Variants in PASD1 observed in about 807,000 individuals in gnomAD.
The protein encoded by PASD1 is PAS domain containing repressor 1.
Under a neutral mutation model 58.8 loss-of-function variants are expected in PASD1, and 13 were observed. That is an observed-to-expected ratio of 0.22 (90% CI 0.14 to 0.35). The LOEUF is 0.35. Among genes scored for constraint, PASD1 ranks in the 10% least tolerant of loss-of-function variants. The pLI, the probability that PASD1 is intolerant of heterozygous loss-of-function variation, is 1.00. For missense variants in PASD1, 734 were observed against 568.3 expected, an observed-to-expected ratio of 1.29 and a Z score of -2.96; for synonymous variants, 236 against 216.7, an observed-to-expected ratio of 1.09 and a Z score of -0.78.
chrX:151,566,036 A>C (rs1170953719), intron 1 of PASD1, among the ~76,000 whole-genome samples: 1 of 112,038 alleles, frequency 8.9e-6, no homozygotes, highest in East Asian at 2.8e-4. Context: ...GTTGGTAGTA[A>C]AACGAAAATT....
At chrX:151,630,554 AAGG>A (rs1230348108) in intron 8 of PASD1, among the ~76,000 whole-genome samples, 2 of 112,494 alleles carry the variant, frequency 1.8e-5, no homozygotes, top group African/African-American at 6.5e-5. Context: ...TTCAATTAAA[AAGG>A]AGAAGAGATT....
chrX:151,652,657 G>A (rs1035662440), intron 9 of PASD1, among the ~76,000 whole-genome samples: 10 of 111,535 alleles, frequency 9.0e-5, no homozygotes, highest in African/African-American at 3.3e-4. Context: ...GCAAGAGGTC[G>A]GGGAGTACAG....
intron 1 of PASD1, among the ~76,000 whole-genome samples, chrX:151,596,676 A>G (rs2013325804): frequency 8.9e-6 from 1 of 112,419 alleles, no homozygotes; most frequent in South Asian, 3.7e-4. Context: ...ACCTTGCTGG[A>G]CTATTTTATT....
intron 11 of PASD1, among the ~76,000 whole-genome samples, chrX:151,669,904 T>C (rs2124317698): frequency 8.9e-6 from 1 of 112,056 alleles, no homozygotes; most frequent in South Asian, 3.8e-4. Context: ...TTCTGGTGTA[T>C]ACTCAGCAGT....
intron 1 of PASD1, among the ~76,000 whole-genome samples, chrX:151,565,964 C>T (rs1165504290): frequency 1.8e-5 from 2 of 112,259 alleles, no homozygotes; most frequent in East Asian, 2.8e-4. Context: ...AATCCTCCTA[C>T]TCTTAACTGA....
At chrX:151,641,587 G>T (rs12859750) in intron 8 of PASD1, among the ~76,000 whole-genome samples, 26,842 of 110,452 alleles carry the variant, frequency 0.24, 2,636 homozygotes, top group Non-Finnish European at 0.31. Flanking sequence ...TCTGTGTCTC[G>T]TACAGGAAAA....
At position 151,668,750 on chromosome X, in the gene PASD1, T is replaced by C. The variant is rs1398188179; in HGVS notation, c.1072-2288T>C. 2.7e-5 allele frequency among the ~76,000 whole-genome samples: 3 copies of C among 109,405 alleles called. No homozygotes were observed. The East Asian group carries it at 8.6e-4, about 31-fold the overall frequency. On this transcript the variant is annotated intron_variant, in intron 11 of 15. Transcript: ENST00000370357. Reference sequence around the variant, plus strand: ...CAACCAAAAAAAGTCCAGGACCAGATGGATTCACAGCTGAATTCTACCAGA... The same window carrying C: ...CAACCAAAAAAAGTCCAGGACCAGACGGATTCACAGCTGAATTCTACCAGA...
intron 14 of PASD1, chrX:151,673,539 C>A: frequency 4.9e-6 from 1 of 204,349 alleles, no homozygotes; most frequent in Non-Finnish European, 8.9e-6. Context: ...GACTTCCAGG[C>A]TTAGGGTTGT....
intron 1 of PASD1, among the ~76,000 whole-genome samples, chrX:151,581,722 T>C (rs1224976439): frequency 9.0e-6 from 1 of 111,091 alleles, no homozygotes; most frequent in East Asian, 2.8e-4. Context: ...GAACCCATAT[T>C]AGAACTTGGG....
chrX:151,676,175 TGGG>T lies in PASD1; in HGVS notation c.*36_*38del, dbSNP rs759154544. ...TTTCATGACCAGTGATGAGGGGAAA[TGGG>T]GGGAGGGGGCAGGCCAATGAGGTCT... On this transcript the variant is annotated 3_prime_UTR_variant, in exon 16 of 16. Coordinates refer to ENST00000370357, the MANE Select transcript of PASD1 (RefSeq NM_173493.3). 17 of 1,042,158 alleles carry T rather than the reference TGGG, an allele frequency of 1.6e-5. No homozygotes were observed. Among genetic ancestry groups the T allele is most frequent in the Non-Finnish European group, 2.0e-5 (16 of 794,894 alleles). 85.9% of individuals were successfully genotyped at this position (1,042,158 alleles called of 1,213,427 possible).
chrX:151,667,010 A>G (rs745895445), intron 11 of PASD1, among the ~76,000 whole-genome samples: 1 of 110,747 alleles, frequency 9.0e-6, no homozygotes, highest in East Asian at 2.9e-4. Context: ...AACAGTGTAA[A>G]AGTGTTCCTA....
chrX:151,592,706 T>C (rs1426067377), intron 1 of PASD1, among the ~76,000 whole-genome samples: 1 of 111,771 alleles, frequency 8.9e-6, no homozygotes, highest in Admixed American at 9.5e-5. Flanking sequence ...GTGTTTAGTA[T>C]TACTAATTTA....
intron 7 of PASD1, among the ~76,000 whole-genome samples, chrX:151,625,059 G>A (rs1351335310): frequency 8.9e-6 from 1 of 111,997 alleles, no homozygotes; most frequent in Non-Finnish European, 1.9e-5. Context: ...AACTCTATTT[G>A]TGTTCTAGTC....
intron 4 of PASD1, among the ~76,000 whole-genome samples, chrX:151,620,621 C>T (rs970126391): frequency 2.7e-5 from 3 of 110,841 alleles, no homozygotes; most frequent in Non-Finnish European, 5.7e-5. Context: ...TCTTCATTTA[C>T]ATTCAATTGC....
chrX:151,676,250 GT>G lies in PASD1; in HGVS notation c.*110del. On this transcript the variant is annotated 3_prime_UTR_variant, in exon 16 of 16. Coordinates refer to ENST00000370357, the MANE Select transcript of PASD1 (RefSeq NM_173493.3). ...GGTGCGTAAAGTCCCTTGGGGTAGG[GT>G]TTAGTGGGTAGAGACTTATTTGTTT... The G allele has an allele frequency of 1.2e-6, 1 of 810,500 alleles. No homozygotes were observed. The highest frequency in any genetic ancestry group is 1.7e-6 in the Non-Finnish European group (1 of 579,120). 66.8% of individuals were successfully genotyped at this position (810,500 alleles called of 1,213,427 possible).
intron 1 of PASD1, among the ~76,000 whole-genome samples, chrX:151,576,199 T>C (rs2013003935): frequency 9.0e-6 from 1 of 110,587 alleles, no homozygotes; most frequent in Non-Finnish European, 1.9e-5. Flanking sequence ...AGAGACAGTG[T>C]CTCCCTGTAT....
At chrX:151,581,813 A>G in intron 1 of PASD1, among the ~76,000 whole-genome samples, 1 of 109,859 alleles carries the variant, frequency 9.1e-6, no homozygotes, top group Non-Finnish European at 1.9e-5. Context: ...AAGAGAGGCC[A>G]TGAACAGCCA....
intron 9 of PASD1, among the ~76,000 whole-genome samples, chrX:151,653,080 C>T (rs1158109013): frequency 9.1e-6 from 1 of 109,802 alleles, no homozygotes; most frequent in Non-Finnish European, 1.9e-5. Flanking sequence ...GGAGGCTATC[C>T]CAGCAGTCCA....
At chrX:151,674,376 C>T (rs748665543) in intron 15 of PASD1, among the ~76,000 whole-genome samples, 190 bp downstream of exon 15, 1 of 112,307 alleles carries the variant, frequency 8.9e-6, no homozygotes, top group South Asian at 3.7e-4. Context: ...CTACAGGGTT[C>T]CTCAAAAAAG....
Sources: gnomAD v4.1 joint callset for allele counts (sites outside exome capture counted in the v4.1 genomes callset) on GRCh38, gnomAD v4.1.1 for gene constraint, MANE v1.5 for transcripts, NCBI Gene and HGNC (gene_info 2026-07-23, HGNC 2026-07-21) for gene names.